Variants in CDC42BPA observed in about 807,000 individuals in gnomAD.
The protein encoded by CDC42BPA is serine/threonine-protein kinase MRCK alpha.
CDC42BPA carries 80 observed loss-of-function variants against 223.5 expected under a neutral mutation model. That is an observed-to-expected ratio of 0.36 (90% CI 0.30 to 0.43). CDC42BPA has a LOEUF of 0.43. CDC42BPA is among the 20% of genes least tolerant of loss of function. The pLI is 1.00. For synonymous variants in CDC42BPA, 694 were observed against 718.6 expected, an observed-to-expected ratio of 0.97 and a Z score of 0.55; for missense variants, 1,743 against 2,099.9, an observed-to-expected ratio of 0.83 and a Z score of 3.32.
intron 3 of CDC42BPA, among the ~76,000 whole-genome samples, chr1:227,207,143 T>C (rs1057243259): frequency 7.5e-6 from 1 of 133,944 alleles, no homozygotes; most frequent in African/African-American, 2.8e-5. Context: ...CCATGTGTTC[T>C]CATTGTTCAA....
chr1:227,179,651 A>AAAAAAAAAAAAAAAC, intron 5 of CDC42BPA, among the ~76,000 whole-genome samples: 1 of 149,714 alleles, frequency 6.7e-6, no homozygotes, highest in African/African-American at 2.5e-5. Context: ...AAAAAAAAAA[A>AAAAAAAAAAAAAAAC]AAAAAAAAAG....
At chr1:227,303,288 G>A (rs560204664) in intron 1 of CDC42BPA, among the ~76,000 whole-genome samples, 1 of 152,282 alleles carries the variant, frequency 6.6e-6, no homozygotes, top group African/African-American at 2.4e-5. Flanking sequence ...TTCTTGGGGA[G>A]AGTCAGATTC....
At chr1:227,315,863 T>C (rs11806511) in intron 1 of CDC42BPA, among the ~76,000 whole-genome samples, 22,621 of 150,940 alleles carry the variant, frequency 0.15, 2,034 homozygotes, top group African/African-American at 0.24. Flanking sequence ...AACCTTCTTA[T>C]ACTGGCAAAT....
chr1:227,275,324 A>C (rs866062844), intron 1 of CDC42BPA, among the ~76,000 whole-genome samples: 105 of 150,924 alleles, frequency 7.0e-4, no homozygotes, highest in Non-Finnish European at 1.2e-3. Context: ...TGGTATTTAG[A>C]AATCTAAAGT....
At chr1:227,164,959 G>C (rs1192311071) in intron 5 of CDC42BPA, among the ~76,000 whole-genome samples, 1 of 152,146 alleles carries the variant, frequency 6.6e-6, no homozygotes, top group African/African-American at 2.4e-5. Flanking sequence ...GATCCCATAA[G>C]CATGTTGGGG....
At chr1:227,107,520 C>T (rs1365638223) in intron 14 of CDC42BPA, among the ~76,000 whole-genome samples, 1 of 152,160 alleles carries the variant, frequency 6.6e-6, no homozygotes, top group Non-Finnish European at 1.5e-5. Flanking sequence ...TCCGAAGTCT[C>T]AGGTGATCCT....
chr1:227,201,844 T>C (rs1403755394), intron 3 of CDC42BPA, among the ~76,000 whole-genome samples: 1 of 152,012 alleles, frequency 6.6e-6, no homozygotes, highest in Non-Finnish European at 1.5e-5. Context: ...TCTACCTAAT[T>C]TTTTCTTAAT....
intron 2 of CDC42BPA, among the ~76,000 whole-genome samples, chr1:227,213,755 C>T (rs565867465): frequency 1.3e-5 from 2 of 152,124 alleles, no homozygotes; most frequent in East Asian, 3.9e-4. Flanking sequence ...AACCCCCAAA[C>T]CACATACACA....
At chr1:226,995,979 G>T (rs1001152471) in intron 35 of CDC42BPA, among the ~76,000 whole-genome samples, 4 of 152,186 alleles carry the variant, frequency 2.6e-5, no homozygotes, top group Admixed American at 2.6e-4. Flanking sequence ...GTCAAAAAAT[G>T]ATAGTTTAAA....
intron 4 of CDC42BPA, among the ~76,000 whole-genome samples, chr1:227,198,384 G>A (rs1671096121): frequency 7.1e-6 from 1 of 140,288 alleles, no homozygotes; most frequent in Non-Finnish European, 1.5e-5. Flanking sequence ...CTTGAGCCCA[G>A]GAATCAGATA....
chr1:227,148,388 T>C (rs1448784199), intron 6 of CDC42BPA, among the ~76,000 whole-genome samples: 1 of 152,198 alleles, frequency 6.6e-6, no homozygotes, highest in African/African-American at 2.4e-5. Flanking sequence ...GCCCTTTACA[T>C]GTTTTAGAAG....
At chr1:227,281,589 C>T (rs1166071788) in intron 1 of CDC42BPA, among the ~76,000 whole-genome samples, 1 of 152,164 alleles carries the variant, frequency 6.6e-6, no homozygotes, top group East Asian at 1.9e-4. Flanking sequence ...GTGGCTGGTT[C>T]CCCATGCCTG....
At chr1:227,066,626 G>A (rs1470499377) in intron 21 of CDC42BPA, among the ~76,000 whole-genome samples, 2 of 152,188 alleles carry the variant, frequency 1.3e-5, no homozygotes, top group East Asian at 3.9e-4. Context: ...CAAAGTTTGT[G>A]CCATAAAATA....
At chr1:227,022,624 T>C (rs151252864) in intron 32 of CDC42BPA, among the ~76,000 whole-genome samples, 13 of 152,312 alleles carry the variant, frequency 8.5e-5, no homozygotes, top group Non-Finnish European at 2.9e-5. Flanking sequence ...TTTAACTGTT[T>C]GGACACCCTG....
chr1:226,991,137 A>G lies in CDC42BPA; in HGVS notation c.*3131T>C, dbSNP rs1660691903. ...AAATACCCAAAGCACAAACATGATT[A>G]GTCAGAATTTGAGGGTAGATAACTT... On this transcript the variant is annotated 3_prime_UTR_variant, in exon 37 of 37. Coordinates refer to ENST00000366766, the MANE Select transcript of CDC42BPA (RefSeq NM_001394014.1). The G allele has an allele frequency of 6.6e-6, 1 of 152,670 alleles. No homozygotes were observed. The highest frequency in any genetic ancestry group is 2.4e-5 in the African/African-American group (1 of 41,470). 9.5% of individuals were successfully genotyped at this position (152,670 alleles called of 1,614,324 possible).
chr1:227,282,761 T>TTCTAC (rs1257828609), intron 1 of CDC42BPA, among the ~76,000 whole-genome samples: 1 of 152,206 alleles, frequency 6.6e-6, no homozygotes, highest in Non-Finnish European at 1.5e-5. Flanking sequence ...ACTGTTATGA[T>TTCTAC]TCTACTCATG....
At chr1:227,011,772 A>G (rs1263305674) in intron 34 of CDC42BPA, among the ~76,000 whole-genome samples, 1 of 152,238 alleles carries the variant, frequency 6.6e-6, no homozygotes, top group Non-Finnish European at 1.5e-5. Context: ...TTTTAGAGAT[A>G]AAAGAACTAC....
chr1:227,231,612 G>C (rs1490000551), intron 2 of CDC42BPA, among the ~76,000 whole-genome samples: 2 of 150,324 alleles, frequency 1.3e-5, no homozygotes, highest in East Asian at 3.9e-4. Flanking sequence ...GTGTAAAAGC[G>C]TTCCTATTTC....
At chr1:227,003,457 C>A (rs1364362765) in intron 35 of CDC42BPA, among the ~76,000 whole-genome samples, 1 of 152,212 alleles carries the variant, frequency 6.6e-6, no homozygotes, top group African/African-American at 2.4e-5. Context: ...CAAGAACATT[C>A]TTCCCCAAGT....
Sources: gnomAD v4.1 joint callset for allele counts (sites outside exome capture counted in the v4.1 genomes callset) on GRCh38, gnomAD v4.1.1 for gene constraint, MANE v1.5 for transcripts, NCBI Gene and HGNC (gene_info 2026-07-23, HGNC 2026-07-21) for gene names.